NLRP14: variants seen among roughly 807,000 people sequenced by gnomAD.
The protein encoded by NLRP14 is NACHT, LRR and PYD domains-containing protein 14.
A neutral mutation model predicts 94.7 loss-of-function variants in NLRP14; 105 were observed. The ratio of observed to expected loss-of-function variants is 1.11; its 90% CI spans 0.95 to 1.30. The LOEUF is 1.30. NLRP14 is among the 50% of genes most tolerant of loss of function. The probability of loss-of-function intolerance (pLI) is 0.00; values close to 1 mark genes in which losing one functional copy is unlikely to be tolerated. For missense variants in NLRP14, 1,362 were observed against 1,254.1 expected, an observed-to-expected ratio of 1.09 and a Z score of -1.30; for synonymous variants, 508 against 459.9, an observed-to-expected ratio of 1.10 and a Z score of -1.34.
chr11:7,090,162 C>T, the NLRP14 span: 7 of 1,613,852 alleles, frequency 4.3e-6, no homozygotes, highest in East Asian at 1.1e-4. Context: ...CAGACCAGAT[C>T]GTGGGCTCTC....
At chr11:7,081,517 T>C in the NLRP14 span, among the ~76,000 whole-genome samples, 165 of 152,334 alleles carry the variant, frequency 1.1e-3, 4 homozygotes, top group South Asian at 0.033. Context: ...TTTTTTTAAT[T>C]TGTTTATTAA....
chr11:7,031,082 G>A (rs1565010811), intron 1 of NLRP14, among the ~76,000 whole-genome samples: 1 of 152,206 alleles, frequency 6.6e-6, no homozygotes, highest in Admixed American at 6.5e-5. Flanking sequence ...CTTCTCTCAG[G>A]GGAGGAGGAA....
rs915415983 is a variant in NLRP14 at position 7,071,265 on chromosome 11, A to G, written c.3239A>G (p.Asn1080Ser). 7 of 1,613,250 alleles carry G rather than the reference A, an allele frequency of 4.3e-6. No individual in the cohort carries two copies. The highest frequency in any genetic ancestry group is 5.9e-6 in the Non-Finnish European group (7 of 1,179,482). Residue 1080 changes from asparagine (N) to serine (S), a missense_variant, in exon 12 of 12, where the codon AAC becomes AGC. By Grantham distance (46) the Asn-to-Ser change is conservative (BLOSUM62 1). Transcript: ENST00000299481. ...NPHLIIKPDCNYHNEEDVSWW... is the reference protein window; with the variant it reads ...NPHLIIKPDCSYHNEEDVSWW... ...CACTTAATCATTAAGCCAGATTGTA[A>G]CTATCATAATGAAGAAGATGTGTCT...
downstream of NLRP14, among the ~76,000 whole-genome samples, chr11:7,075,610 G>T (rs1852865959): frequency 6.6e-6 from 1 of 152,128 alleles, no homozygotes; most frequent in Non-Finnish European, 1.5e-5. Flanking sequence ...AAATCATTAT[G>T]TGTTCATTTT....
rs1163822929 is a variant in NLRP14, at chr11:7,049,665, C to A, written c.2124-6C>A. On this transcript the variant is annotated splice_polypyrimidine_tract_variant and splice_region_variant and intron_variant, in intron 5 of 11. Transcript: ENST00000299481. ...GTAATACCTCCTGCATATTTTTCTTCTGAAGGTTGAAATTTATCACTTTCC... is the reference window on the plus strand; with the variant it reads ...GTAATACCTCCTGCATATTTTTCTTATGAAGGTTGAAATTTATCACTTTCC... 6.2e-6 allele frequency: 10 copies of A among 1,605,846 alleles called. No individual in the cohort carries two copies. Among genetic ancestry groups the A allele is most frequent in the Non-Finnish European group, 7.7e-6 (9 of 1,172,616 alleles).
intron 6 of NLRP14, among the ~76,000 whole-genome samples, chr11:7,055,302 A>C (rs1314079353): frequency 6.6e-6 from 1 of 152,084 alleles, no homozygotes; most frequent in Non-Finnish European, 1.5e-5. Context: ...CCTGCAGTAC[A>C]TTTATATTGA....
the NLRP14 span, among the ~76,000 whole-genome samples, chr11:7,080,451 G>A: frequency 3.9e-5 from 6 of 152,042 alleles, no homozygotes; most frequent in African/African-American, 7.2e-5. Flanking sequence ...ACATTTTGTC[G>A]TGACCAATGC....
intron 10 of NLRP14, among the ~76,000 whole-genome samples, chr11:7,063,049 T>C (rs1852650261): frequency 6.6e-6 from 1 of 152,126 alleles, no homozygotes; most frequent in South Asian, 2.1e-4. Context: ...TCAGACATAA[T>C]GACATGTGTC....
downstream of NLRP14, among the ~76,000 whole-genome samples, chr11:7,074,271 A>G (rs1337782738): frequency 3.3e-5 from 5 of 152,212 alleles, no homozygotes; most frequent in African/African-American, 1.2e-4. Context: ...ATATCCACAC[A>G]AAACAGTAAT....
At chr11:7,036,737 G>A (rs1054000325) in intron 1 of NLRP14, among the ~76,000 whole-genome samples, 4 of 152,042 alleles carry the variant, frequency 2.6e-5, no homozygotes, top group African/African-American at 9.7e-5. Context: ...CTATTGCAGT[G>A]GATTGAGGAG....
chr11:7,058,665 T>A (rs894239629), intron 8 of NLRP14, among the ~76,000 whole-genome samples: 1 of 151,984 alleles, frequency 6.6e-6, no homozygotes, highest in Non-Finnish European at 1.5e-5. Flanking sequence ...TAGTACCCGA[T>A]GGTGTCAAAT....
At chr11:7,035,595 G>A (rs1236366281) in intron 1 of NLRP14, among the ~76,000 whole-genome samples, 3 of 152,156 alleles carry the variant, frequency 2.0e-5, no homozygotes, top group African/African-American at 7.2e-5. Flanking sequence ...TGCTATAGGA[G>A]ATTTAATTAG....
chr11:7,049,647 C>T (rs1232757355), intron 5 of NLRP14, 24 bp from the exon 6 acceptor site: 16 of 1,566,878 alleles, frequency 1.0e-5, no homozygotes, highest in Non-Finnish European at 1.4e-5. Flanking sequence ...TTTGTAATAC[C>T]TCCTGCATAT....
the NLRP14 span, among the ~76,000 whole-genome samples, chr11:7,087,785 G>C: frequency 6.6e-6 from 1 of 152,070 alleles, no homozygotes; most frequent in Non-Finnish European, 1.5e-5. Flanking sequence ...AAGGAAGAAG[G>C]AAAGGTTTGG....
At chr11:7,057,568 A>T in intron 6 of NLRP14, 109 bp from the exon 7 acceptor site, 1 of 1,056,512 alleles carries the variant, frequency 9.5e-7, no homozygotes. Context: ...TGGATTTTTC[A>T]GGCAAGATTC....
intron 7 of NLRP14, among the ~76,000 whole-genome samples, 184 bp from the exon 8 acceptor site, chr11:7,058,096 C>A (rs763876953): frequency 5.3e-5 from 8 of 151,822 alleles, no homozygotes; most frequent in Non-Finnish European, 8.8e-5. Flanking sequence ...TCTCCCCTTC[C>A]GTGTTTTGTT....
intron 3 of NLRP14, among the ~76,000 whole-genome samples, chr11:7,040,067 A>C (rs200700712): frequency 3.9e-5 from 6 of 152,330 alleles, no homozygotes; most frequent in African/African-American, 1.4e-4. Context: ...TATGGACTAA[A>C]AGTCACTGAA....
intron 3 of NLRP14, among the ~76,000 whole-genome samples, chr11:7,040,730 A>G (rs768689156): frequency 2.6e-5 from 4 of 152,242 alleles, no homozygotes; most frequent in East Asian, 1.9e-4. Flanking sequence ...CATTCAAGAA[A>G]TAATTGAAAA....
intron 6 of NLRP14, among the ~76,000 whole-genome samples, chr11:7,053,961 T>G (rs1852481310): frequency 2.0e-5 from 3 of 152,136 alleles, no homozygotes; most frequent in Non-Finnish European, 2.9e-5. Context: ...CCACTGTGCT[T>G]CCTAGCCTCT....
Sources: gnomAD v4.1 joint callset for allele counts (sites outside exome capture counted in the v4.1 genomes callset) on GRCh38, gnomAD v4.1.1 for gene constraint, MANE v1.5 for transcripts, NCBI Gene and HGNC (gene_info 2026-07-23, HGNC 2026-07-21) for gene names.